Variants in BCL2L14 observed in about 807,000 individuals in gnomAD.
BCL2L14 encodes the protein apoptosis facilitator Bcl-2-like protein 14.
In BCL2L14, 27 loss-of-function variants were observed where a neutral mutation model predicts 35.3. The ratio of observed to expected loss-of-function variants is 0.76; its 90% CI spans 0.56 to 1.05. The LOEUF is 1.05. BCL2L14 is among the 50% of genes least tolerant of loss of function. The pLI is 0.00. For missense variants in BCL2L14, 377 were observed against 382.6 expected (o/e 0.99, Z 0.12); for synonymous variants, 139 against 145.9 (o/e 0.95, Z 0.34).
chr12:12,053,155 A>G (rs946529992), intron 2 of BCL2L14, among the ~76,000 whole-genome samples: 2 of 152,184 alleles, frequency 1.3e-5, no homozygotes, highest in African/African-American at 2.4e-5. Context: ...TTACATTTAC[A>G]TCCTACTGAA....
At chr12:12,053,202 A>G (rs1001555639) in intron 2 of BCL2L14, among the ~76,000 whole-genome samples, 2 of 152,198 alleles carry the variant, frequency 1.3e-5, no homozygotes, top group Non-Finnish European at 2.9e-5. Context: ...TAGAATTTTT[A>G]TTATTCTCAT....
chr12:12,059,227 T>A (rs1948485282), intron 2 of BCL2L14, among the ~76,000 whole-genome samples: 1 of 151,794 alleles, frequency 6.6e-6, no homozygotes, highest in Non-Finnish European at 1.5e-5. Context: ...CCTTCACCCT[T>A]AGCGGCAAGT....
rs1231927349 is a variant in BCL2L14 at position 12,060,761 on chromosome 12, C to T, written c.-272+8914C>T. On this transcript the variant is annotated intron_variant, in intron 2 of 3. Coordinates refer to the BCL2L14 transcript ENST00000461264. ...ATCTGTGCGGGACCCCACTGGAAAT[C>T]AGACTGTTCAACTCACCTGGCAGCC... Among the ~76,000 whole-genome samples the T allele has an allele frequency of 2.7e-5, 3 of 111,264 alleles. 1 individual carries two copies. Among genetic ancestry groups the T allele is most frequent in the Non-Finnish European group, 3.7e-5 (2 of 54,564 alleles). 73.0% of individuals were successfully genotyped at this position (111,264 alleles called of 152,430 possible).
upstream of BCL2L14, among the ~76,000 whole-genome samples, chr12:12,069,437 C>T (rs191361175): frequency 5.1e-3 from 769 of 152,054 alleles, 5 homozygotes; most frequent in African/African-American, 0.018. Flanking sequence ...CGGTGGCTCA[C>T]GCCTGTAATC....
intron 2 of BCL2L14, among the ~76,000 whole-genome samples, chr12:12,080,116 A>G (rs1948881536): frequency 6.6e-6 from 1 of 151,416 alleles, no homozygotes; most frequent in Non-Finnish European, 1.5e-5. Flanking sequence ...GAGGCAGGAG[A>G]ATGGCGTGAA....
intron 5 of BCL2L14, chr12:12,095,843 C>T (rs770555484): frequency 1.5e-4 from 145 of 985,272 alleles, no homozygotes; most frequent in Non-Finnish European, 1.6e-4. Context: ...GTGGCTGCCA[C>T]GGTCTTCAGT....
intron 2 of BCL2L14, among the ~76,000 whole-genome samples, chr12:12,059,940 T>G (rs1205543167): frequency 6.6e-6 from 1 of 152,042 alleles, no homozygotes; most frequent in Non-Finnish European, 1.5e-5. Flanking sequence ...TACACATCCG[T>G]CCCTCTCTAG....
chr12:12,094,773 C>A lies in BCL2L14; in HGVS notation c.788C>A (p.Ser263Ter). ...VLMGVDPRGE[S>*]EVKAQGFKAA... ...ATGGGTGTGGACCCCAGGGGAGAAT[C>A]AGAGGTCAAAGCTCAGGGCTTTAAG... Residue 263 changes from serine (S) to a stop codon, truncating the protein, a stop_gained, in exon 5 of 6, where the codon TCA (serine) becomes TAA (stop). Transcript: ENST00000308721. LOFTEE classifies it high-confidence loss of function. The A allele has an allele frequency of 6.2e-7, 1 of 1,614,182 alleles. No individual in the cohort carries two copies. Among genetic ancestry groups the A allele is most frequent in the East Asian group, 2.2e-5 (1 of 44,876 alleles).
At chr12:12,053,544 C>T (rs1157525796) in intron 2 of BCL2L14, among the ~76,000 whole-genome samples, 1 of 152,128 alleles carries the variant, frequency 6.6e-6, no homozygotes. Flanking sequence ...CCTCAGCCTC[C>T]CGAGTAGCTG....
chr12:12,098,906 G>A (rs750345005), intron 5 of BCL2L14, 44 bp from the exon 6 acceptor site: 1 of 1,400,552 alleles, frequency 7.1e-7, no homozygotes, highest in Non-Finnish European at 1.0e-6. Flanking sequence ...CACTTCAACA[G>A]TAAATCTAAC....
rs192039216 is a variant in BCL2L14, at chr12:12,098,070, G to A, written c.946-880G>A. On this transcript the variant is annotated intron_variant, in intron 5 of 5. Transcript: ENST00000308721. ...CAAAGGGTAGAAAAAAATAAAGGAGGATGATAAAGAATATTTATGAGCTGA... is the reference window on the plus strand; with the variant it reads ...CAAAGGGTAGAAAAAAATAAAGGAGAATGATAAAGAATATTTATGAGCTGA... Among the ~76,000 whole-genome samples, 94 of 152,250 alleles carry A rather than the reference G, an allele frequency of 6.2e-4. 1 individual carries two copies. Among genetic ancestry groups the A allele is most frequent in the Admixed American group, 3.1e-3 (47 of 15,290 alleles).
In BCL2L14 at chr12:12,075,433, C is replaced by CTTTCTTTCTTTCT. The variant is rs1412649013; in HGVS notation, c.-7-3863_-7-3862insCTTTCTTTCTTTT. Among the ~76,000 whole-genome samples, 9 of 105,506 alleles carry CTTTCTTTCTTTCT rather than the reference C, an allele frequency of 8.5e-5. No individual in the cohort carries two copies. In the South Asian group the frequency reaches 1.2e-3, roughly 14 times the overall value. 69.2% of individuals were successfully genotyped at this position (105,506 alleles called of 152,430 possible). On this transcript the variant is annotated intron_variant, in intron 1 of 5. Transcript: ENST00000308721. ...CTATTCTTTCTTTCTTTCTTTCTTT[C>CTTTCTTTCTTTCT]TTTTTTTTTTGAGACGGAGTTTCGC...
chr12:12,067,726 T>G (rs1341844477), upstream of BCL2L14, among the ~76,000 whole-genome samples: 2 of 152,202 alleles, frequency 1.3e-5, no homozygotes, highest in Non-Finnish European at 2.9e-5. Flanking sequence ...TTACGAGTTT[T>G]CTACAACAGC....
At chr12:12,064,855 A>G (rs1205247102) in intron 2 of BCL2L14, among the ~76,000 whole-genome samples, 1 of 152,204 alleles carries the variant, frequency 6.6e-6, no homozygotes, top group Non-Finnish European at 1.5e-5. Flanking sequence ...TCCTATCACG[A>G]TTACCTCCTG....
chr12:12,080,451 T>A (rs926265202), intron 2 of BCL2L14, among the ~76,000 whole-genome samples: 1 of 150,222 alleles, frequency 6.7e-6, no homozygotes, highest in African/African-American at 2.5e-5. Flanking sequence ...AAAACCCGTC[T>A]CTACTAAAGA....
chr12:12,058,164 C>T (rs1263841685), intron 2 of BCL2L14, among the ~76,000 whole-genome samples: 1 of 151,842 alleles, frequency 6.6e-6, no homozygotes, highest in Non-Finnish European at 1.5e-5. Context: ...GTTGGCCAGG[C>T]TGTTCTCCAA....
At chr12:12,076,649 C>T (rs954951434) in intron 1 of BCL2L14, among the ~76,000 whole-genome samples, 2 of 152,104 alleles carry the variant, frequency 1.3e-5, no homozygotes, top group African/African-American at 4.8e-5. Context: ...CAGCATAGCC[C>T]GCTGCATCCC....
chr12:12,052,675 A>G (rs555615888), intron 2 of BCL2L14, among the ~76,000 whole-genome samples: 26 of 152,276 alleles, frequency 1.7e-4, no homozygotes, highest in African/African-American at 5.8e-4. Flanking sequence ...TCGTGTTGCA[A>G]TGAACATGGG....
chr12:12,055,948 C>T (rs1591800969), intron 2 of BCL2L14, among the ~76,000 whole-genome samples: 2 of 152,188 alleles, frequency 1.3e-5, no homozygotes, highest in South Asian at 4.1e-4. Context: ...CCCCCACCCC[C>T]AATGTCTGAT....
Sources: gnomAD v4.1 joint callset for allele counts (sites outside exome capture counted in the v4.1 genomes callset) on GRCh38, gnomAD v4.1.1 for gene constraint, MANE v1.5 for transcripts, NCBI Gene and HGNC (gene_info 2026-07-23, HGNC 2026-07-21) for gene names.